CPQ: variants seen among roughly 807,000 people sequenced by gnomAD.
The protein encoded by CPQ is carboxypeptidase Q, also known as Ser-Met dipeptidase.
In CPQ, 37 loss-of-function variants were observed where a neutral mutation model predicts 45.7. The ratio of observed to expected loss-of-function variants is 0.81; its 90% confidence interval spans 0.62 to 1.07. The LOEUF is 1.07. Among genes scored for constraint, CPQ ranks in the 50% least tolerant of loss-of-function variants. The pLI is 0.00. For synonymous variants in CPQ, 186 were observed against 205.8 expected, an observed-to-expected ratio of 0.90 and a Z score of 0.82; for missense variants, 537 against 572.9, an observed-to-expected ratio of 0.94 and a Z score of 0.64.
rs1340743421 is a variant in CPQ at position 97,143,063 on chromosome 8, T to C, written c.1299T>C (p.His433=). 1.2e-6 allele frequency: 2 copies of C among 1,613,848 alleles called. No homozygotes were observed. The highest frequency in any genetic ancestry group is 2.7e-5 in the African/African-American group (2 of 74,902). ...ACTTATACAAGTATTTCTTCTTCCATCACTCCCACGGAGACACCATGACTG... is the reference window on the plus strand; with the variant it reads ...ACTTATACAAGTATTTCTTCTTCCACCACTCCCACGGAGACACCATGACTG... ...LDDLYKYFFF[H]HSHGDTMTVM... Residue 433 remains histidine, a synonymous_variant, in exon 8 of 8, where the codon CAT becomes CAC. Transcript: ENST00000220763.
chr8:96,983,373 G>C (rs182329702), intron 5 of CPQ, among the ~76,000 whole-genome samples: 3 of 152,134 alleles, frequency 2.0e-5, no homozygotes, highest in Non-Finnish European at 4.4e-5. Flanking sequence ...GTGCCTTAAA[G>C]TTTCCAAAAT....
intron 3 of CPQ, among the ~76,000 whole-genome samples, chr8:96,854,313 C>T (rs1464623455): frequency 3.3e-5 from 5 of 151,374 alleles, no homozygotes; most frequent in African/African-American, 7.3e-5. Flanking sequence ...GGGCGGATCA[C>T]GAGGTCAGGA....
At chr8:96,853,504 C>T (rs924945166) in intron 3 of CPQ, among the ~76,000 whole-genome samples, 30 of 151,602 alleles carry the variant, frequency 2.0e-4, no homozygotes, top group African/African-American at 7.0e-4. Context: ...TCTGAAAGAG[C>T]AATATAAGTT....
At chr8:96,896,494 A>T (rs1040855896) in intron 4 of CPQ, among the ~76,000 whole-genome samples, 1 of 151,722 alleles carries the variant, frequency 6.6e-6, no homozygotes. Context: ...TTCTAACCTG[A>T]CTGTTGAAAT....
chr8:96,667,497 T>A (rs1808942007), intron 1 of CPQ, among the ~76,000 whole-genome samples: 1 of 151,860 alleles, frequency 6.6e-6, no homozygotes, highest in East Asian at 1.9e-4. Flanking sequence ...TACAGGTGTG[T>A]GCCACCACGC....
At chr8:96,819,198 G>T (rs900409436) in intron 2 of CPQ, among the ~76,000 whole-genome samples, 7 of 118,998 alleles carry the variant, frequency 5.9e-5, no homozygotes, top group Non-Finnish European at 1.2e-4. Context: ...AAATGTTTGA[G>T]GGGCTAATAT....
chr8:97,040,752 AT>A (rs1471974428), intron 6 of CPQ, among the ~76,000 whole-genome samples: 1 of 152,140 alleles, frequency 6.6e-6, no homozygotes, highest in Non-Finnish European at 1.5e-5. Context: ...TCCTTTCCCC[AT>A]TGCTTGTTTT....
intron 1 of CPQ, among the ~76,000 whole-genome samples, chr8:96,769,268 T>A (rs1486316958): frequency 2.0e-5 from 3 of 152,204 alleles, no homozygotes; most frequent in Non-Finnish European, 4.4e-5. Context: ...GAGGTTAGAA[T>A]CCCTTTTCCT....
chr8:96,912,545 A>G (rs754031578), intron 4 of CPQ, among the ~76,000 whole-genome samples: 2 of 152,238 alleles, frequency 1.3e-5, no homozygotes, highest in Non-Finnish European at 2.9e-5. Flanking sequence ...AGGGGCATAT[A>G]AACAGGTTAT....
intron 4 of CPQ, among the ~76,000 whole-genome samples, chr8:96,907,719 A>G (rs1342966822): frequency 6.6e-6 from 1 of 151,944 alleles, no homozygotes; most frequent in Non-Finnish European, 1.5e-5. Flanking sequence ...GGTAAACCTG[A>G]GAGTTATCCT....
intron 5 of CPQ, among the ~76,000 whole-genome samples, chr8:96,997,173 T>C (rs558860110): frequency 6.6e-6 from 1 of 152,022 alleles, no homozygotes; most frequent in African/African-American, 2.4e-5. Context: ...CTTTTAGTTT[T>C]TTCTCTACCA....
chr8:96,994,479 G>A (rs1316446484), intron 5 of CPQ, among the ~76,000 whole-genome samples: 2 of 152,142 alleles, frequency 1.3e-5, no homozygotes, highest in East Asian at 1.9e-4. Context: ...TCTCAAAAGA[G>A]TAATAATAGT....
chr8:96,822,997 T>G (rs950974766), intron 2 of CPQ, among the ~76,000 whole-genome samples: 1 of 152,062 alleles, frequency 6.6e-6, no homozygotes, highest in African/African-American at 2.4e-5. Flanking sequence ...TAGATAACTA[T>G]GCACCAGAGT....
rs116497431 is a variant in CPQ, at chr8:96,901,290, C to T, written c.849+21285C>T. Among the ~76,000 whole-genome samples, 823 of 152,282 alleles carry T rather than the reference C, an allele frequency of 5.4e-3. 4 individuals are homozygous for T. The highest frequency in any genetic ancestry group is 0.016 in the African/African-American group (668 of 41,550). Reference sequence around the variant, plus strand: ...GTCAGCTGAGTCTATTGTTGGGCTGCATTGCAACTTGATTTGTTTTCTGTT... The same window carrying T: ...GTCAGCTGAGTCTATTGTTGGGCTGTATTGCAACTTGATTTGTTTTCTGTT... On this transcript the variant is annotated intron_variant, in intron 4 of 7. Coordinates refer to ENST00000220763, the MANE Select transcript of CPQ (RefSeq NM_016134.4).
intron 4 of CPQ, among the ~76,000 whole-genome samples, chr8:96,933,898 C>T (rs1813010167): frequency 6.6e-6 from 1 of 152,178 alleles, no homozygotes; most frequent in Non-Finnish European, 1.5e-5. Flanking sequence ...GAGCAAATCA[C>T]TTGGCTTCTC....
chr8:97,047,675 T>A (rs1247344822), intron 6 of CPQ, among the ~76,000 whole-genome samples: 1 of 152,234 alleles, frequency 6.6e-6, no homozygotes, highest in Non-Finnish European at 1.5e-5. Context: ...ACTTCAGTCA[T>A]CTGTGTAATT....
chr8:97,040,424 T>G (rs866472793), intron 6 of CPQ, among the ~76,000 whole-genome samples: 1 of 151,474 alleles, frequency 6.6e-6, no homozygotes, highest in East Asian at 1.9e-4. Context: ...TTTCTCCCAT[T>G]TTGTAGGTTG....
intron 4 of CPQ, among the ~76,000 whole-genome samples, chr8:96,897,841 T>C (rs953718821): frequency 2.0e-5 from 3 of 152,188 alleles, no homozygotes; most frequent in Non-Finnish European, 4.4e-5. Flanking sequence ...CAGTAAATTG[T>C]TGAAGTCTTA....
intron 3 of CPQ, among the ~76,000 whole-genome samples, chr8:96,850,524 A>G (rs1409620020): frequency 6.6e-6 from 1 of 151,996 alleles, no homozygotes. Flanking sequence ...ATGCTCGTAA[A>G]TACTCCAAAA....
Sources: allele counts gnomAD v4.1 joint callset (sites outside exome capture counted in the v4.1 genomes callset), GRCh38; gene constraint gnomAD v4.1.1; transcripts MANE v1.5; gene names NCBI Gene and HGNC (gene_info 2026-07-23, HGNC 2026-07-21).